The following CLEC12A variants were observed in gnomAD, a reference collection of about 807,000 sequenced individuals.
CLEC12A encodes the protein C-type lectin protein CLL-1.
In CLEC12A, 22 loss-of-function variants were observed where a neutral mutation model predicts 26.5. That is an observed-to-expected ratio of 0.83 (90% CI 0.59 to 1.19). The LOEUF is 1.19. Ranked by LOEUF, CLEC12A falls within the 50% of genes most tolerant of loss-of-function variation. The pLI is 0.00. For synonymous variants in CLEC12A, 119 were observed against 101.9 expected, an observed-to-expected ratio of 1.17 and a Z score of -1.01; for missense variants, 353 against 315.6, an observed-to-expected ratio of 1.12 and a Z score of -0.90.
chr12:9,986,241 A>T (rs1864762530), downstream of CLEC12A: 5 of 383,638 alleles, frequency 1.3e-5, no homozygotes, highest in Admixed American at 5.3e-5. Context: ...CAGAAAAAGG[A>T]ACCTATTCCA....
the CLEC12A span, among the ~76,000 whole-genome samples, chr12:10,005,331 G>A: frequency 6.6e-6 from 1 of 152,100 alleles, no homozygotes. Flanking sequence ...TGATATAATC[G>A]AGTTCTTCTG....
intron 1 of CLEC12A, among the ~76,000 whole-genome samples, chr12:9,972,613 T>G (rs762922518): frequency 3.3e-5 from 5 of 152,174 alleles, no homozygotes; most frequent in Non-Finnish European, 4.4e-5. Context: ...TCTCACATAT[T>G]ATTTAAGTTG....
intron 1 of CLEC12A, among the ~76,000 whole-genome samples, chr12:9,966,328 T>A (rs1038840290): frequency 2.4e-4 from 36 of 152,154 alleles, no homozygotes; most frequent in African/African-American, 8.7e-4. Context: ...GCAGTGACAG[T>A]CTTCAGTTGT....
intron 4 of CLEC12A, 85 bp from the exon 5 acceptor site, chr12:9,981,935 C>T (rs1347651710): frequency 4.5e-6 from 3 of 671,180 alleles, no homozygotes; most frequent in East Asian, 2.9e-5. Flanking sequence ...TACCTTAAAA[C>T]AGCAATTTGT....
downstream of CLEC12A, chr12:9,997,002 T>C: frequency 6.2e-7 from 1 of 1,613,804 alleles, no homozygotes; most frequent in Non-Finnish European, 8.5e-7. Flanking sequence ...TATGACCTTC[T>C]GGAGAAACCA....
At chr12:10,003,110 G>A in the CLEC12A span, among the ~76,000 whole-genome samples, 4 of 152,280 alleles carry the variant, frequency 2.6e-5, no homozygotes, top group East Asian at 5.8e-4. Context: ...GCTATTCTGA[G>A]ACTTTTTAAC....
intron 1 of CLEC12A, among the ~76,000 whole-genome samples, chr12:9,961,688 T>G (rs1863831174): frequency 6.6e-6 from 1 of 151,834 alleles, no homozygotes; most frequent in Non-Finnish European, 1.5e-5. Context: ...TCATTTAAAA[T>G]TTCTGTTTTT....
chr12:10,003,134 A>T, the CLEC12A span, among the ~76,000 whole-genome samples: 20 of 152,296 alleles, frequency 1.3e-4, no homozygotes, highest in African/African-American at 4.6e-4. Context: ...AACCACTTTT[A>T]AACTAAAGCT....
intron 1 of CLEC12A, among the ~76,000 whole-genome samples, chr12:9,955,540 C>A (rs776057431): frequency 6.6e-6 from 1 of 152,138 alleles, no homozygotes; most frequent in African/African-American, 2.4e-5. Flanking sequence ...CATAAATGCT[C>A]TAAGTGAACT....
At chr12:9,968,537 T>C (rs1864022355), upstream of CLEC12A, among the ~76,000 whole-genome samples, 1 of 152,004 alleles carries the variant, frequency 6.6e-6, no homozygotes, top group South Asian at 2.1e-4. Context: ...CAGAAGATAA[T>C]GTCATCAGTT....
chr12:9,970,462 G>T (rs972379605), upstream of CLEC12A, among the ~76,000 whole-genome samples: 1 of 152,070 alleles, frequency 6.6e-6, no homozygotes, highest in Non-Finnish European at 1.5e-5. Flanking sequence ...TGATTTACAT[G>T]TGGCAATGTC....
chr12:9,980,606 G>A lies in CLEC12A; in HGVS notation c.404G>A (p.Arg135Lys). The A allele has an allele frequency of 6.2e-7, 1 of 1,613,806 alleles. No individual in the cohort carries two copies. The highest frequency in any genetic ancestry group is 1.7e-5 in the Admixed American group (1 of 59,976). Residue 135 changes from arginine to lysine, a missense_variant, in exon 4 of 6, where the codon AGG (arginine) becomes AAG (lysine). Transcript: ENST00000304361. ...EQEHKCKPCP[R>K]RWIWHKDSCY... is the part of the protein sequence containing the mutation. ...GAGCACAAATGTAAGCCTTGTCCAA[G>A]GAGATGGATTTGGCATAAGGACAGC...
intron 1 of CLEC12A, among the ~76,000 whole-genome samples, chr12:9,954,019 G>C (rs4249541): frequency 0.17 from 23,875 of 137,164 alleles, 1,228 homozygotes; most frequent in East Asian, 0.37. Context: ...CAGCATGCTC[G>C]TTAAGAGTCA....
At chr12:9,966,255 C>T (rs1339216413) in intron 1 of CLEC12A, among the ~76,000 whole-genome samples, 2 of 152,138 alleles carry the variant, frequency 1.3e-5, no homozygotes, top group Non-Finnish European at 1.5e-5. Flanking sequence ...GACGGGCTTA[C>T]CCTCCACTGT....
chr12:9,967,657 G>T (rs1209790918), upstream of CLEC12A, among the ~76,000 whole-genome samples: 1 of 151,988 alleles, frequency 6.6e-6, no homozygotes, highest in Non-Finnish European at 1.5e-5. Context: ...TTGCCGCTAA[G>T]GGTGAAGGAG....
intron 1 of CLEC12A, chr12:9,951,404 T>C (rs118182007): frequency 0.055 from 38,893 of 702,714 alleles, 1,335 homozygotes; most frequent in Non-Finnish European, 0.065. Flanking sequence ...TCCTCTCAAT[T>C]TGAGAAATTC....
chr12:9,995,187 C>T (rs370262331), exon 5 of CLEC12A: 30 of 1,612,948 alleles, frequency 1.9e-5, no homozygotes, highest in African/African-American at 2.7e-5. Flanking sequence ...AGACCTCATT[C>T]GACTTCTGGC....
At chr12:9,997,887 A>G (rs576045307), downstream of CLEC12A, among the ~76,000 whole-genome samples, 16 of 152,180 alleles carry the variant, frequency 1.1e-4, no homozygotes, top group Non-Finnish European at 5.9e-5. Flanking sequence ...TTTTAGGTAG[A>G]GAGAATAGAA....
chr12:9,974,788 G>A (rs1171394728), intron 1 of CLEC12A, among the ~76,000 whole-genome samples: 1 of 152,130 alleles, frequency 6.6e-6, no homozygotes, highest in Non-Finnish European at 1.5e-5. Context: ...CAAGCAATAA[G>A]CAGCAGAACC....
Sources: allele counts gnomAD v4.1 joint callset (sites outside exome capture counted in the v4.1 genomes callset), GRCh38; gene constraint gnomAD v4.1.1; transcripts MANE v1.5; gene names NCBI Gene and HGNC (gene_info 2026-07-23, HGNC 2026-07-21).